The following CCR5AS variants were observed in gnomAD, a reference collection of about 807,000 sequenced individuals.
CCR5AS encodes CCR5 antisense RNA.
At chr3:46,406,568 C>T (rs1240726554) in intron 1 of CCR5AS, among the ~76,000 whole-genome samples, 1 of 152,152 alleles carries the variant, frequency 6.6e-6, no homozygotes, top group Non-Finnish European at 1.5e-5. Flanking sequence ...GTCCTCCTCA[C>T]ATTCTCTCCC....
At chr3:46,382,600 C>G (rs1701826374) in intron 2 of CCR5AS, among the ~76,000 whole-genome samples, 2 of 152,122 alleles carry the variant, frequency 1.3e-5, no homozygotes, top group Middle Eastern at 3.2e-3. Context: ...TATAAATTAT[C>G]TAGACCAGGG....
exon 4 of CCR5AS, among the ~76,000 whole-genome samples, chr3:46,364,422 A>G (rs1162215278): frequency 1.3e-5 from 2 of 152,228 alleles, no homozygotes; most frequent in African/African-American, 4.8e-5. Flanking sequence ...TGAATATTTC[A>G]AGCCCACTAT....
chr3:46,387,930 G>A (rs1408369300), intron 2 of CCR5AS, among the ~76,000 whole-genome samples: 1 of 152,172 alleles, frequency 6.6e-6, no homozygotes, highest in African/African-American at 2.4e-5. Flanking sequence ...TATTGTCCAG[G>A]AGAAGGAATG....
At chr3:46,398,230 G>A (rs921981486) in intron 1 of CCR5AS, among the ~76,000 whole-genome samples, 1 of 152,148 alleles carries the variant, frequency 6.6e-6, no homozygotes, top group Non-Finnish European at 1.5e-5. Context: ...ATTCATATCA[G>A]GCCATTGATG....
intron 1 of CCR5AS, among the ~76,000 whole-genome samples, chr3:46,404,434 G>A (rs1469191018): frequency 2.7e-5 from 4 of 149,130 alleles, no homozygotes; most frequent in Non-Finnish European, 3.0e-5. Context: ...TCCTGGGTTC[G>A]AGTGATTCTC....
intron 2 of CCR5AS, among the ~76,000 whole-genome samples, chr3:46,388,171 T>A (rs1003517305): frequency 2.0e-5 from 3 of 152,128 alleles, no homozygotes; most frequent in Non-Finnish European, 4.4e-5. Context: ...AAAATAGTGA[T>A]GAAATGTTGG....
intron 1 of CCR5AS, among the ~76,000 whole-genome samples, chr3:46,393,364 G>A (rs1701931870): frequency 6.6e-6 from 1 of 150,806 alleles, no homozygotes; most frequent in Admixed American, 6.6e-5. Flanking sequence ...GCAGGTCACA[G>A]AGGATATGAT....
chr3:46,406,836 C>T (rs1702053623), intron 1 of CCR5AS: 1 of 152,442 alleles, frequency 6.6e-6, no homozygotes, highest in East Asian at 1.9e-4. Context: ...TCTTTTGAGG[C>T]CTCAGTCTTA....
At chr3:46,372,008 G>A (rs969607523) in intron 2 of CCR5AS, among the ~76,000 whole-genome samples, 1 of 152,176 alleles carries the variant, frequency 6.6e-6, no homozygotes, top group Non-Finnish European at 1.5e-5. Flanking sequence ...TAGCTGTGTG[G>A]CTTTGAGCAA....
chr3:46,401,057 C>T (rs142530721), intron 1 of CCR5AS, among the ~76,000 whole-genome samples: 4 of 151,824 alleles, frequency 2.6e-5, no homozygotes, highest in African/African-American at 7.3e-5. Flanking sequence ...AGAGGAAAAG[C>T]GTGGGAGAAA....
intron 2 of CCR5AS, chr3:46,373,896 C>T: frequency 6.2e-7 from 1 of 1,610,200 alleles, no homozygotes; most frequent in Non-Finnish European, 8.5e-7. Context: ...GCAAGAGGCT[C>T]CCGAGCGAGC....
intron 1 of CCR5AS, among the ~76,000 whole-genome samples, chr3:46,406,508 T>C (rs1378787560): frequency 6.6e-6 from 1 of 151,804 alleles, no homozygotes; most frequent in Non-Finnish European, 1.5e-5. Context: ...TTTCCTTCTC[T>C]CTGGACTCAA....
chr3:46,404,782 G>A lies in CCR5AS; in HGVS notation n.163+2115C>T, dbSNP rs1702031858. Among the ~76,000 whole-genome samples, 3 of 152,306 alleles carry A rather than the reference G, an allele frequency of 2.0e-5. No individual in the cohort carries two copies. The South Asian group carries it at 6.2e-4, about 32-fold the overall frequency. The stretch of plus-strand genomic sequence containing the variant: ...ATTTACTTGAGCTCTGTGAAGGTCA[G>A]GATTTTTGCCTATTTTGTCCATTGG... On this transcript the variant is annotated intron_variant and non_coding_transcript_variant, in intron 1 of 3. Coordinates refer to ENST00000451485, the Ensembl canonical transcript of CCR5AS.
chr3:46,389,044 T>C (rs980180587), intron 2 of CCR5AS, among the ~76,000 whole-genome samples: 4 of 152,062 alleles, frequency 2.6e-5, no homozygotes, highest in Non-Finnish European at 5.9e-5. Flanking sequence ...AATAGGAGTA[T>C]GACTAGACAG....
intron 2 of CCR5AS, among the ~76,000 whole-genome samples, chr3:46,372,209 G>C (rs1701671642): frequency 6.6e-6 from 1 of 152,082 alleles, no homozygotes; most frequent in Non-Finnish European, 1.5e-5. Flanking sequence ...TTCTTTGTGG[G>C]CTAACTCTAG....
chr3:46,396,284 A>T (rs147322789), intron 1 of CCR5AS, among the ~76,000 whole-genome samples: 1 of 151,862 alleles, frequency 6.6e-6, no homozygotes, highest in Admixed American at 6.5e-5. Flanking sequence ...TCACACTCCA[A>T]TGATGATGGA....
At chr3:46,397,395 C>T (rs542278129) in intron 1 of CCR5AS, among the ~76,000 whole-genome samples, 25 of 152,320 alleles carry the variant, frequency 1.6e-4, no homozygotes, top group African/African-American at 4.6e-4. Flanking sequence ...AGAAGCCAAA[C>T]GGCACACTTA....
At chr3:46,398,338 A>G (rs1034093397) in intron 1 of CCR5AS, among the ~76,000 whole-genome samples, 4 of 152,200 alleles carry the variant, frequency 2.6e-5, no homozygotes, top group African/African-American at 9.7e-5. Flanking sequence ...AATAATCCCC[A>G]GTCAAGACAC....
intron 2 of CCR5AS, among the ~76,000 whole-genome samples, chr3:46,386,162 T>A (rs1164035234): frequency 6.6e-6 from 1 of 152,100 alleles, no homozygotes; most frequent in Non-Finnish European, 1.5e-5. Flanking sequence ...GTGATCAGCC[T>A]GCCTCCACCT....
Sources: gnomAD v4.1 joint callset for allele counts (sites outside exome capture counted in the v4.1 genomes callset) on GRCh38, gnomAD v4.1.1 for gene constraint, MANE v1.5 for transcripts, NCBI Gene and HGNC (gene_info 2026-07-23, HGNC 2026-07-21) for gene names.